The following LCN2 variants were observed in gnomAD, a reference collection of about 807,000 sequenced individuals.
LCN2 encodes lipocalin 2, also known as neutrophil gelatinase-associated lipocalin.
Under a neutral mutation model 26.4 loss-of-function variants are expected in LCN2, and 27 were observed. The ratio of observed to expected loss-of-function variants is 1.02; its 90% confidence interval spans 0.76 to 1.41. LCN2 has a LOEUF of 1.41. LCN2 is among the 40% of genes most tolerant of loss of function. The pLI, the probability that LCN2 is intolerant of heterozygous loss-of-function variation, is 0.00. For synonymous variants in LCN2, 94 were observed against 98.9 expected (o/e 0.95, Z 0.30); for missense variants, 224 against 237.6 (o/e 0.94, Z 0.38).
chr9:128,151,265 AG>A (rs1358471752), intron 2 of LCN2, among the ~76,000 whole-genome samples: 1 of 151,936 alleles, frequency 6.6e-6, no homozygotes, highest in African/African-American at 2.4e-5. Flanking sequence ...GAGAGGGTAT[AG>A]GAAGGGAAGC....
At chr9:128,151,746 G>T in intron 3 of LCN2, 29 bp downstream of exon 3, 1 of 1,607,798 alleles carries the variant, frequency 6.2e-7, no homozygotes, top group African/African-American at 1.3e-5. Flanking sequence ...GGGGCACTGA[G>T]TTGGGGCTCC....
At chr9:128,151,381 G>A (rs1017240344) in intron 2 of LCN2, 3 of 595,144 alleles carry the variant, frequency 5.0e-6, no homozygotes. Flanking sequence ...GACATCGGGT[G>A]CTGGAGGGTC....
At chr9:128,151,871 G>C (rs1564225434) in intron 3 of LCN2, 35 bp from the exon 4 acceptor site, 3 of 1,613,360 alleles carry the variant, frequency 1.9e-6, no homozygotes, top group Non-Finnish European at 2.5e-6. Flanking sequence ...CTCCCATCCA[G>C]GGCAGGGCTG....
chr9:128,151,475 G>A, intron 2 of LCN2, 163 bp from the exon 3 acceptor site: 1 of 651,216 alleles, frequency 1.5e-6, no homozygotes, highest in South Asian at 1.8e-5. Context: ...CATCTCGGCT[G>A]GGTGGGGTAG....
chr9:128,150,435 C>G (rs1834995180), intron 2 of LCN2, 61 bp downstream of exon 2: 1 of 1,607,074 alleles, frequency 6.2e-7, no homozygotes. Flanking sequence ...CAAGGGATGG[C>G]CAAAGCTGAG....
chr9:128,151,373 C>T (rs927950447), intron 2 of LCN2: 2 of 577,546 alleles, frequency 3.5e-6, no homozygotes, highest in Admixed American at 3.1e-5. Context: ...GAAAGAAGGA[C>T]ATCGGGTGCT....
intron 2 of LCN2, among the ~76,000 whole-genome samples, chr9:128,151,221 G>A (rs1157679529): frequency 6.6e-6 from 1 of 152,060 alleles, no homozygotes; most frequent in African/African-American, 2.4e-5. Context: ...CGGCTGGCAT[G>A]GAGCAGACTG....
chr9:128,149,678 G>A lies in LCN2; in HGVS notation c.138+15G>A. 6.2e-7 allele frequency: 1 copy of A among 1,613,578 alleles called. No individual in the cohort carries two copies. Among genetic ancestry groups the A allele is most frequent in the Non-Finnish European group, 8.5e-7 (1 of 1,179,892 alleles). On this transcript the variant is annotated intron_variant, in intron 1 of 6. Coordinates refer to ENST00000277480, the MANE Select transcript of LCN2 (RefSeq NM_005564.5). ...AGGACAACCAAGTAAGGGGCCAAGA[G>A]GGGCACCTGCAGGCAGGGCCTGGGG...
In LCN2 at chr9:128,153,426, G is replaced by C. The variant is rs1465701210; in HGVS notation, c.*123G>C. 9.6e-6 allele frequency: 5 copies of C among 522,194 alleles called. No homozygotes were observed. Among genetic ancestry groups the C allele is most frequent in the Non-Finnish European group, 1.4e-5 (4 of 285,640 alleles). The allele number at this position is 522,194 out of a possible 1,614,324, so 32.3% of individuals were successfully genotyped here. A position where few individuals can be genotyped will look rare whatever the true frequency, so the allele number is the denominator to read the frequency against. ...CACCCCGCTGATGGAGCCCCACCTT[G>C]TCTGCTAAATAAACATGTGCCCTCA... On this transcript the variant is annotated 3_prime_UTR_variant, in exon 7 of 7. Coordinates refer to ENST00000277480, the MANE Select transcript of LCN2 (RefSeq NM_005564.5). This position sits in a 1 kb window ranked among gnomAD's most constrained non-coding sequence, Gnocchi z 5.4.
rs773142362 is a variant in LCN2 at position 128,153,133 on chromosome 9, G to A, written c.*7+7G>A. The A allele has an allele frequency of 1.9e-6, 3 of 1,613,942 alleles. No homozygotes were observed. The Admixed American group carries it at 5.0e-5, about 27-fold the overall frequency. On this transcript the variant is annotated splice_region_variant and intron_variant, in intron 6 of 6. Transcript: ENST00000277480. The surrounding 1 kb of genome is among the most constrained non-coding windows in gnomAD (Gnocchi z 5.4). ...ATCGACGGCTGAGTGCACAGTGAGT[G>A]TGGCTGGGCGGCTGCGAGGGGGCTT...
intron 1 of LCN2, 140 bp from the exon 2 acceptor site, chr9:128,150,098 A>AG: frequency 1.9e-6 from 2 of 1,073,980 alleles, no homozygotes; most frequent in Non-Finnish European, 2.7e-6. Flanking sequence ...TCACCAGTGC[A>AG]GGCCCAGCCT....
chr9:128,151,348 G>C (rs766072894), intron 2 of LCN2: 6 of 568,482 alleles, frequency 1.1e-5, no homozygotes, highest in Non-Finnish European at 1.6e-5. Context: ...AAGCCACCCA[G>C]GGAGGCAGCC....
At chr9:128,151,499 A>G (rs765955271) in intron 2 of LCN2, 139 bp from the exon 3 acceptor site, 1 of 689,890 alleles carries the variant, frequency 1.4e-6, no homozygotes, top group Non-Finnish European at 2.7e-6. Context: ...CCCTCCAGGT[A>G]GTGGGGGATG....
chr9:128,153,082 G>A lies in LCN2; in HGVS notation c.578-18G>A, dbSNP rs573810352. 25 of 1,613,998 alleles carry A rather than the reference G, an allele frequency of 1.5e-5. No homozygotes were observed. The highest frequency in any genetic ancestry group is 7.7e-5 in the South Asian group (7 of 91,062). On this transcript the variant is annotated intron_variant, in intron 5 of 6. Transcript: ENST00000277480. The surrounding 1 kb of genome is among the most constrained non-coding windows in gnomAD (Gnocchi z 5.4). ...CACACACACAGCTGCCTGTTCTGAC[G>A]GACTTTCTCCCTAACAGACCAGTGT...
chr9:128,152,057 C>A, intron 4 of LCN2, 32 bp downstream of exon 4: 1 of 1,613,634 alleles, frequency 6.2e-7, no homozygotes, highest in Non-Finnish European at 8.5e-7. Context: ...CGGGGACTGG[C>A]TCCTGATCAC....
rs760072981 is a variant in LCN2 at position 128,149,557 on chromosome 9, C to A, written c.32C>A (p.Ala11Asp). The A allele has an allele frequency of 1.5e-5, 25 of 1,613,808 alleles. No homozygotes were observed. Among genetic ancestry groups the A allele is most frequent in the Non-Finnish European group, 1.7e-6 (2 of 1,179,966 alleles). MPLGLLWLGLALLGALHAQAQ... is the reference protein window; with the variant it reads MPLGLLWLGLDLLGALHAQAQ... ...CTAGGTCTCCTGTGGCTGGGCCTAG[C>A]CCTGTTGGGGGCTCTGCATGCCCAG... The change falls in exon 1 of 7, where the codon GCC (alanine) becomes GAC (aspartate). Residue 11 changes from alanine to aspartate, a missense_variant. Coordinates refer to ENST00000277480, the MANE Select transcript of LCN2 (RefSeq NM_005564.5).
At position 128,152,013 on chromosome 9, in the gene LCN2, A is replaced by G; in HGVS notation, c.463A>G (p.Ile155Val). The part of the protein sequence containing the change: ...KVSQNREYFK[I>V]TLYGRTKELT... ...TTCTCAAAACAGGGAGTACTTCAAG[A>G]TCACCCTCTACGGTGGGTCCTCTCC... is the stretch of plus-strand genomic sequence containing the variant. The change falls in exon 4 of 7, where the codon ATC becomes GTC. Residue 155 changes from isoleucine to valine, a missense_variant. Physicochemically the swap from Ile to Val is conservative, Grantham distance 29. Transcript: ENST00000277480. 1.9e-6 allele frequency: 3 copies of G among 1,614,074 alleles called. No homozygotes were observed. Among genetic ancestry groups the G allele is most frequent in the Non-Finnish European group, 2.5e-6 (3 of 1,179,982 alleles).
chr9:128,152,981 T>G (rs1588087402), intron 5 of LCN2, 119 bp from the exon 6 acceptor site: 1 of 1,420,250 alleles, frequency 7.0e-7, no homozygotes, highest in South Asian at 1.2e-5. Flanking sequence ...CTGGGCCAGG[T>G]GGGGCAGGGG....
intron 1 of LCN2, 111 bp from the exon 2 acceptor site, chr9:128,150,127 A>C: frequency 7.2e-7 from 1 of 1,398,098 alleles, no homozygotes; most frequent in Non-Finnish European, 9.7e-7. Flanking sequence ...CTGCCCAGCT[A>C]GAGGGGCTCA....
Sources: allele counts gnomAD v4.1 joint callset (sites outside exome capture counted in the v4.1 genomes callset), GRCh38; gene constraint gnomAD v4.1.1; non-coding constraint Gnocchi (gnomAD v3.1); transcripts MANE v1.5; gene names NCBI Gene and HGNC (gene_info 2026-07-23, HGNC 2026-07-21).